Variants in XRCC4 observed in about 807,000 individuals in gnomAD.
XRCC4 encodes DNA repair protein XRCC4.
In XRCC4, 28 loss-of-function variants were observed where a neutral mutation model predicts 39.1. That is an observed-to-expected ratio of 0.72 (90% CI 0.53 to 0.98). XRCC4 has a LOEUF of 0.98. Among genes scored for constraint, XRCC4 ranks in the 50% least tolerant of loss-of-function variants. The pLI, the probability that XRCC4 is intolerant of heterozygous loss-of-function variation, is 0.00. For synonymous variants in XRCC4, 123 were observed against 126.4 expected (o/e 0.97, Z 0.18); for missense variants, 350 against 376.4 (o/e 0.93, Z 0.58).
intron 3 of XRCC4, among the ~76,000 whole-genome samples, chr5:83,170,510 G>A (rs929069442): frequency 6.6e-6 from 1 of 152,098 alleles, no homozygotes; most frequent in Non-Finnish European, 1.5e-5. Flanking sequence ...TTTCATGTGG[G>A]GCTCCGGTTC....
At chr5:83,136,200 A>T (rs1464443365) in intron 3 of XRCC4, among the ~76,000 whole-genome samples, 2 of 152,152 alleles carry the variant, frequency 1.3e-5, no homozygotes, top group Non-Finnish European at 2.9e-5. Context: ...TAATTTTGTG[A>T]TTATATGTGG....
chr5:83,298,435 T>C (rs888902345), intron 7 of XRCC4, among the ~76,000 whole-genome samples: 2 of 151,988 alleles, frequency 1.3e-5, no homozygotes, highest in African/African-American at 4.8e-5. Context: ...CACAGAGTTT[T>C]ATCTTCCTGA....
chr5:83,133,958 G>T (rs139812503), intron 3 of XRCC4, among the ~76,000 whole-genome samples: 1 of 152,150 alleles, frequency 6.6e-6, no homozygotes, highest in African/African-American at 2.4e-5. Context: ...AGAGAGAGGC[G>T]CTGGCGGGAG....
chr5:83,241,195 A>T (rs1298518204), intron 6 of XRCC4, among the ~76,000 whole-genome samples: 1 of 151,598 alleles, frequency 6.6e-6, no homozygotes, highest in Non-Finnish European at 1.5e-5. Flanking sequence ...GTGAGCCCAG[A>T]TCATGCCAAT....
intron 3 of XRCC4, among the ~76,000 whole-genome samples, chr5:83,117,119 C>T (rs552723246): frequency 1.3e-5 from 2 of 152,222 alleles, no homozygotes; most frequent in East Asian, 3.9e-4. Context: ...ACTTCATTCT[C>T]ATTTGAATAA....
chr5:83,304,366 G>GTA (rs1349883082), intron 7 of XRCC4, among the ~76,000 whole-genome samples: 1 of 151,782 alleles, frequency 6.6e-6, no homozygotes, highest in East Asian at 1.9e-4. Flanking sequence ...AAAGATCTTC[G>GTA]TATTCATCAG....
At chr5:83,341,754 C>T (rs944182079) in intron 7 of XRCC4, among the ~76,000 whole-genome samples, 3 of 152,170 alleles carry the variant, frequency 2.0e-5, no homozygotes, top group South Asian at 2.1e-4. Context: ...ACTGCCTGCT[C>T]ACCTATGCTT....
downstream of XRCC4, among the ~76,000 whole-genome samples, chr5:83,356,325 GTCTA>G (rs1428389582): frequency 5.3e-5 from 8 of 152,062 alleles, 1 homozygote; most frequent in East Asian, 1.4e-3. Flanking sequence ...GTGTATATGT[GTCTA>G]TCTATCTATC....
In XRCC4 at chr5:83,077,626, GA is replaced by G. The variant is rs1237168071; in HGVS notation, c.-11+13del. On this transcript the variant is annotated intron_variant, in intron 1 of 7. Coordinates refer to ENST00000396027, the MANE Select transcript of XRCC4 (RefSeq NM_003401.5). ...TAGAGTCACGGAGAGGTAGGATCCG[GA>G]AGTGGGGCTGCCTCTTTAAATAACA... 3 of 399,776 alleles carry G rather than the reference GA, an allele frequency of 7.5e-6. No individual in the cohort carries two copies. Among genetic ancestry groups the G allele is most frequent in the Non-Finnish European group, 1.4e-5 (3 of 218,034 alleles). 24.8% of individuals were successfully genotyped at this position (399,776 alleles called of 1,614,324 possible).
At chr5:83,095,993 C>T (rs74827667) in intron 1 of XRCC4, among the ~76,000 whole-genome samples, 1 of 151,670 alleles carries the variant, frequency 6.6e-6, no homozygotes, top group East Asian at 2.0e-4. Context: ...TTACACGAAT[C>T]CCAGAAGTTC....
At chr5:83,345,661 A>C (rs932185172) in intron 7 of XRCC4, among the ~76,000 whole-genome samples, 1 of 152,156 alleles carries the variant, frequency 6.6e-6, no homozygotes, top group Non-Finnish European at 1.5e-5. Context: ...AAGTCACTCT[A>C]AACAATACTA....
chr5:83,295,964 G>A (rs1042904124), intron 7 of XRCC4, among the ~76,000 whole-genome samples: 5 of 152,048 alleles, frequency 3.3e-5, no homozygotes, highest in Admixed American at 3.3e-4. Context: ...AACTTTAGAG[G>A]ACCAGTTAGG....
chr5:83,095,337 C>A lies in XRCC4; in HGVS notation c.-10-9573C>A, dbSNP rs1745627942. Reference sequence around the variant, plus strand: ...GGTGTATTCCTTTATTTGAGTTCAGCAGTTGGACAGGGTTGCAGGAGGGTC... The same window carrying A: ...GGTGTATTCCTTTATTTGAGTTCAGAAGTTGGACAGGGTTGCAGGAGGGTC... On this transcript the variant is annotated intron_variant, in intron 1 of 7. Transcript: ENST00000396027. Among the ~76,000 whole-genome samples, 3 of 152,114 alleles carry A rather than the reference C, an allele frequency of 2.0e-5. No individual in the cohort carries two copies. In the South Asian group the frequency reaches 6.2e-4, roughly 32 times the overall value.
chr5:83,121,999 A>G (rs1169395735), intron 3 of XRCC4, among the ~76,000 whole-genome samples: 1 of 152,116 alleles, frequency 6.6e-6, no homozygotes, highest in African/African-American at 2.4e-5. Flanking sequence ...GTATTGGTCT[A>G]TATTGGGACT....
At chr5:83,226,217 G>A (rs1752285833) in intron 6 of XRCC4, among the ~76,000 whole-genome samples, 1 of 152,038 alleles carries the variant, frequency 6.6e-6, no homozygotes, top group Non-Finnish European at 1.5e-5. Flanking sequence ...TGTTGTAAGA[G>A]CTGCGGTGCT....
At chr5:83,234,325 C>G (rs1752608352) in intron 6 of XRCC4, among the ~76,000 whole-genome samples, 1 of 152,112 alleles carries the variant, frequency 6.6e-6, no homozygotes, top group Non-Finnish European at 1.5e-5. Flanking sequence ...CAAGCTTTAT[C>G]TTTTTCCATC....
intron 3 of XRCC4, 60 bp downstream of exon 3, chr5:83,111,263 A>G: frequency 7.2e-7 from 1 of 1,390,034 alleles, no homozygotes; most frequent in East Asian, 2.5e-5. Context: ...TTGAGGAATT[A>G]TATTTAAATT....
intron 6 of XRCC4, among the ~76,000 whole-genome samples, chr5:83,220,315 A>T (rs1752031838): frequency 6.6e-6 from 1 of 152,178 alleles, no homozygotes; most frequent in African/African-American, 2.4e-5. Flanking sequence ...TTTCTAAATC[A>T]GTTAAATGTC....
chr5:83,200,503 G>A (rs1029363327), intron 4 of XRCC4, among the ~76,000 whole-genome samples: 4 of 151,972 alleles, frequency 2.6e-5, no homozygotes, highest in Non-Finnish European at 5.9e-5. Flanking sequence ...ATATTCTTTA[G>A]GAATATTATA....
Sources: allele counts gnomAD v4.1 joint callset (sites outside exome capture counted in the v4.1 genomes callset), GRCh38; gene constraint gnomAD v4.1.1; transcripts MANE v1.5; gene names NCBI Gene and HGNC (gene_info 2026-07-23, HGNC 2026-07-21).